VWC2L: variants seen among roughly 807,000 people sequenced by gnomAD.
VWC2L encodes von Willebrand factor C domain containing 2 like.
In VWC2L, 10 loss-of-function variants were observed where a neutral mutation model predicts 21.6. That is an observed-to-expected ratio of 0.46 (90% CI 0.29 to 0.78). VWC2L has a LOEUF of 0.78. Ranked by LOEUF, VWC2L falls within the 30% of genes least tolerant of loss-of-function variation. The probability of loss-of-function intolerance (pLI) is 0.10; values close to 1 mark genes in which losing one functional copy is unlikely to be tolerated. For missense variants in VWC2L, 209 were observed against 277.1 expected, an observed-to-expected ratio of 0.75 and a Z score of 1.74; for synonymous variants, 96 against 94.3, an observed-to-expected ratio of 1.02 and a Z score of -0.10.
intron 3 of VWC2L, among the ~76,000 whole-genome samples, chr2:214,504,895 T>C (rs1320760560): frequency 6.6e-6 from 1 of 152,222 alleles, no homozygotes; most frequent in Non-Finnish European, 1.5e-5. Context: ...AAGTCCAATT[T>C]TGAGCTGTGA....
chr2:214,487,520 G>A (rs183949403), intron 3 of VWC2L, among the ~76,000 whole-genome samples: 2 of 152,324 alleles, frequency 1.3e-5, no homozygotes, highest in East Asian at 1.9e-4. Context: ...TGGGGACCCT[G>A]AGAAGAGTGA....
At chr2:214,529,312 AGTTGG>A (rs1487751933) in intron 3 of VWC2L, among the ~76,000 whole-genome samples, 3 of 152,184 alleles carry the variant, frequency 2.0e-5, no homozygotes, top group Non-Finnish European at 4.4e-5. Flanking sequence ...CAAATTGGGC[AGTTGG>A]GAACTCAACC....
chr2:214,544,506 C>T (rs1689674983), intron 3 of VWC2L, among the ~76,000 whole-genome samples: 1 of 152,066 alleles, frequency 6.6e-6, no homozygotes, highest in Non-Finnish European at 1.5e-5. Context: ...ACTGTCCTTC[C>T]CAGAACATTG....
intron 3 of VWC2L, among the ~76,000 whole-genome samples, chr2:214,569,544 C>T (rs542133617): frequency 2.4e-4 from 36 of 152,282 alleles, no homozygotes; most frequent in African/African-American, 7.9e-4. Flanking sequence ...GTGTCAATGA[C>T]GTTATAAGAT....
At chr2:214,422,972 A>G (rs1253071137) in intron 2 of VWC2L, among the ~76,000 whole-genome samples, 2 of 152,202 alleles carry the variant, frequency 1.3e-5, no homozygotes, top group East Asian at 1.9e-4. Flanking sequence ...GAATTGATAC[A>G]ATAATGAGAC....
intron 3 of VWC2L, among the ~76,000 whole-genome samples, chr2:214,477,188 T>C (rs1390906456): frequency 6.6e-6 from 1 of 152,170 alleles, no homozygotes; most frequent in East Asian, 1.9e-4. Flanking sequence ...AGTCAGAAAA[T>C]GCCATTCATG....
chr2:214,561,847 TATA>T (rs888426068), intron 3 of VWC2L, among the ~76,000 whole-genome samples: 17 of 148,526 alleles, frequency 1.1e-4, no homozygotes, highest in African/African-American at 3.7e-4. Flanking sequence ...TAATTTTTCA[TATA>T]ATTTTATGTA....
chr2:214,575,720 T>C lies in VWC2L; in HGVS notation c.569T>C (p.Val190Ala). ...GTTIIPAGIE[V>A]KVDECNICHC... ...ACGATAATTCCAGCTGGCATTGAAG[T>C]GAAAGTGGACGAATGTAACATCTGT... is the stretch of plus-strand genomic sequence containing the variant. Residue 190 changes from valine (V) to alanine (A), a missense_variant, in exon 4 of 4, where the codon GTG becomes GCG. Physicochemically the swap from Val to Ala is moderately conservative, Grantham distance 64. Transcript: ENST00000312504. 6.2e-7 allele frequency: 1 copy of C among 1,613,446 alleles called. No individual in the cohort carries two copies. Among genetic ancestry groups the C allele is most frequent in the Non-Finnish European group, 8.5e-7 (1 of 1,179,520 alleles).
intron 3 of VWC2L, among the ~76,000 whole-genome samples, chr2:214,486,296 G>C (rs1688671568): frequency 6.6e-6 from 1 of 152,188 alleles, no homozygotes; most frequent in South Asian, 2.1e-4. Flanking sequence ...AGAGCTTGCA[G>C]CCATGGAGTC....
chr2:214,526,592 C>T (rs534041255), intron 3 of VWC2L, among the ~76,000 whole-genome samples: 5 of 152,292 alleles, frequency 3.3e-5, no homozygotes, highest in East Asian at 1.9e-4. Flanking sequence ...GCCTCATTAT[C>T]GTAAGCTTCT....
chr2:214,455,726 G>C lies in VWC2L; in HGVS notation c.520+18968G>C, dbSNP rs149506681. On this transcript the variant is annotated intron_variant, in intron 3 of 3. Coordinates refer to ENST00000312504, the MANE Select transcript of VWC2L (RefSeq NM_001080500.4). Reference sequence around the variant, plus strand: ...GAACAATCTCTCTCCCCTGCCTCTGGTAACTATCAATTGACTCTCTAGCTC... The same window carrying C: ...GAACAATCTCTCTCCCCTGCCTCTGCTAACTATCAATTGACTCTCTAGCTC... Among the ~76,000 whole-genome samples, 6 of 152,028 alleles carry C rather than the reference G, an allele frequency of 3.9e-5. No homozygotes were observed. The East Asian group carries it at 1.2e-3, about 29-fold the overall frequency.
intron 3 of VWC2L, among the ~76,000 whole-genome samples, chr2:214,498,533 T>G (rs958533568): frequency 6.6e-6 from 1 of 151,990 alleles, no homozygotes; most frequent in Non-Finnish European, 1.5e-5. Flanking sequence ...ACAGAAAAAG[T>G]TTATGATTTT....
rs770739929 is a variant in VWC2L, at chr2:214,414,295, T to C, written c.102T>C (p.Gly34=). The change falls in exon 2 of 4, where the codon GGT becomes GGC. Residue 34 remains glycine (G), a synonymous_variant. Transcript: ENST00000312504. The part of the protein sequence containing the change: ...ISHEDYPADE[G]DQISSNDNLI... ...ATGAAGACTATCCTGCTGATGAAGGTGACCAGATCTCCAGTAATGACAATC... is the reference window on the plus strand; with the variant it reads ...ATGAAGACTATCCTGCTGATGAAGGCGACCAGATCTCCAGTAATGACAATC... 4.3e-6 allele frequency: 7 copies of C among 1,613,882 alleles called. No individual in the cohort carries two copies.
Position 214,476,933 on chromosome 2 carries a change from G to A in VWC2L, c.520+40175G>A, listed in dbSNP as rs866391752. 6.6e-5 allele frequency among the ~76,000 whole-genome samples: 10 copies of A among 152,214 alleles called. No homozygotes were observed. The Middle Eastern group carries it at 0.014, about 209-fold the overall frequency. Reference sequence around the variant, plus strand: ...GCTGAGGTGTTCTTTCCACATCCAAGAGCATTGATTAACTTCTCTTAAGCA... The same window carrying A: ...GCTGAGGTGTTCTTTCCACATCCAAAAGCATTGATTAACTTCTCTTAAGCA... On this transcript the variant is annotated intron_variant, in intron 3 of 3. Transcript: ENST00000312504.
At chr2:214,421,756 A>T (rs1702444254) in intron 2 of VWC2L, among the ~76,000 whole-genome samples, 1 of 150,854 alleles carries the variant, frequency 6.6e-6, no homozygotes, top group African/African-American at 2.5e-5. Context: ...CCAGATTTTA[A>T]CTCCAACTGT....
At chr2:214,469,607 T>A (rs1214321242) in intron 3 of VWC2L, among the ~76,000 whole-genome samples, 1 of 149,646 alleles carries the variant, frequency 6.7e-6, no homozygotes, top group East Asian at 2.0e-4. Flanking sequence ...AAAAAAAAAA[T>A]CATGGGTACA....
At chr2:214,538,255 A>C (rs1689567767) in intron 3 of VWC2L, among the ~76,000 whole-genome samples, 1 of 152,084 alleles carries the variant, frequency 6.6e-6, no homozygotes, top group Non-Finnish European at 1.5e-5. Flanking sequence ...GGAAGCTGCT[A>C]TCACTCTACC....
intron 3 of VWC2L, among the ~76,000 whole-genome samples, chr2:214,526,886 A>G (rs1689347636): frequency 6.6e-6 from 1 of 152,224 alleles, no homozygotes; most frequent in Non-Finnish European, 1.5e-5. Flanking sequence ...AAATTGTTCT[A>G]CCAAGAAGAC....
chr2:214,426,662 T>G (rs1055135119), intron 2 of VWC2L, among the ~76,000 whole-genome samples: 1 of 152,230 alleles, frequency 6.6e-6, no homozygotes, highest in African/African-American at 2.4e-5. Flanking sequence ...ATGGAGATTA[T>G]CAAACTTGGC....
Sources: allele counts gnomAD v4.1 joint callset (sites outside exome capture counted in the v4.1 genomes callset), GRCh38; gene constraint gnomAD v4.1.1; transcripts MANE v1.5; gene names NCBI Gene and HGNC (gene_info 2026-07-23, HGNC 2026-07-21).